PGM5: variants seen among roughly 807,000 people sequenced by gnomAD.
The protein encoded by PGM5 is phosphoglucomutase 5.
PGM5 carries 23 observed loss-of-function variants against 59.2 expected under a neutral mutation model. The observed-to-expected ratio is 0.39, with a 90% CI of 0.28 to 0.55. PGM5 has a LOEUF of 0.55. Among genes scored for constraint, PGM5 ranks in the 20% least tolerant of loss-of-function variants. The pLI is 0.66. For synonymous variants in PGM5, 214 were observed against 286.0 expected (o/e 0.75, Z 2.54); for missense variants, 574 against 748.3 (o/e 0.77, Z 2.72).
In PGM5 at chr9:68,458,176, AT is replaced by A. The variant is rs370457055; in HGVS notation, c.1044-6907del. On this transcript the variant is annotated intron_variant, in intron 6 of 10. Transcript: ENST00000396396. ...GAACCTGTGGTAGTTTCAATTTTAC[AT>A]TTTTTTTTTCTTGGATCTTTGGTCA... 6.3e-4 allele frequency among the ~76,000 whole-genome samples: 94 copies of A among 150,240 alleles called. 1 individual carries two copies. Among genetic ancestry groups the A allele is most frequent in the African/African-American group, 1.7e-3 (69 of 41,022 alleles).
At chr9:68,516,689 G>C (rs1017144090) in intron 10 of PGM5, among the ~76,000 whole-genome samples, 2 of 152,124 alleles carry the variant, frequency 1.3e-5, no homozygotes, top group African/African-American at 4.8e-5. Context: ...CACACTCTCA[G>C]GACTCCACTC....
intron 6 of PGM5, among the ~76,000 whole-genome samples, chr9:68,449,116 G>T (rs1185327141): frequency 2.0e-5 from 3 of 152,192 alleles, no homozygotes; most frequent in Non-Finnish European, 2.9e-5. Flanking sequence ...AGGGTCGAGG[G>T]AGCTCTCTGG....
In PGM5 at chr9:68,483,452, G is replaced by C. The variant is rs183180743; in HGVS notation, c.1296-413G>C. On this transcript the variant is annotated intron_variant, in intron 8 of 10. Coordinates refer to ENST00000396396, the MANE Select transcript of PGM5 (RefSeq NM_021965.4). Reference sequence around the variant, plus strand: ...AACACACAGCTAGCGCAAGGGCCCAGAGGCAGGAAAGGGTGCAATGTCAAT... The same window carrying C: ...AACACACAGCTAGCGCAAGGGCCCACAGGCAGGAAAGGGTGCAATGTCAAT... Among the ~76,000 whole-genome samples the C allele has an allele frequency of 3.9e-5, 6 of 152,298 alleles. No individual in the cohort carries two copies. In the East Asian group the frequency reaches 1.2e-3, roughly 29 times the overall value.
At chr9:68,493,036 A>C (rs187777693) in intron 9 of PGM5, among the ~76,000 whole-genome samples, 22 of 152,236 alleles carry the variant, frequency 1.4e-4, no homozygotes, top group African/African-American at 5.3e-4. Flanking sequence ...TGGCCAACTG[A>C]CTATATATGC....
At chr9:68,404,042 A>G (rs1822741827) in intron 6 of PGM5, among the ~76,000 whole-genome samples, 1 of 152,194 alleles carries the variant, frequency 6.6e-6, no homozygotes, top group African/African-American at 2.4e-5. Context: ...TGCACTAAAA[A>G]GTATTTATTA....
At chr9:68,370,808 A>C (rs1238183631) in intron 1 of PGM5, among the ~76,000 whole-genome samples, 4 of 152,188 alleles carry the variant, frequency 2.6e-5, no homozygotes, top group African/African-American at 9.7e-5. Context: ...AAGGACGGAC[A>C]CAAAGAGTTC....
Position 68,529,580 on chromosome 9 carries a change from C to A in PGM5, c.1628C>A (p.Pro543His). ...HDQEPQAVLS[P>H]LIAIALKISQ... is the part of the protein sequence containing the mutation. Reference sequence around the variant, plus strand: ...TTCCTTTTGCAGGCAGTGCTGAGCCCTCTCATAGCCATCGCACTGAAAATA... The same window carrying A: ...TTCCTTTTGCAGGCAGTGCTGAGCCATCTCATAGCCATCGCACTGAAAATA... The change falls in exon 11 of 11, where the codon CCT (proline) becomes CAT (histidine). Residue 543 changes from proline (P) to histidine (H), a missense_variant. By Grantham distance (77) the Pro-to-His change is moderately conservative. This residue lies in a region of PGM5 where 300 missense variants were observed against 280.0 expected (regional missense o/e 1.07). Transcript: ENST00000396396. The A allele has an allele frequency of 6.3e-7, 1 of 1,595,784 alleles. No homozygotes were observed. Among genetic ancestry groups the A allele is most frequent in the Non-Finnish European group, 8.6e-7 (1 of 1,168,096 alleles).
intron 7 of PGM5, among the ~76,000 whole-genome samples, chr9:68,475,945 T>C (rs556005641): frequency 6.6e-6 from 1 of 152,304 alleles, no homozygotes; most frequent in East Asian, 1.9e-4. Context: ...CACTTGAGCC[T>C]GGGAGGTCGC....
chr9:68,377,085 C>T (rs1489884217), intron 1 of PGM5, among the ~76,000 whole-genome samples: 1 of 151,892 alleles, frequency 6.6e-6, no homozygotes, highest in African/African-American at 2.4e-5. Flanking sequence ...CACCACCATG[C>T]TCAGCTAATT....
chr9:68,479,558 G>A lies in PGM5; in HGVS notation c.1295+5G>A. ...TGGCCGCCACTACTATTGCAGGTGA[G>A]GAGAAGGGGAAGGGTCTCTGTATGG... On this transcript the variant is annotated splice_donor_5th_base_variant and intron_variant, in intron 8 of 10. Coordinates refer to ENST00000396396, the MANE Select transcript of PGM5 (RefSeq NM_021965.4). The A allele has an allele frequency of 6.2e-7, 1 of 1,613,668 alleles. No individual in the cohort carries two copies. The highest frequency in any genetic ancestry group is 1.7e-5 in the Admixed American group (1 of 59,988).
At position 68,378,288 on chromosome 9, in the gene PGM5, C is replaced by A; in HGVS notation, c.351C>A (p.Ile117=). 5 of 1,599,544 alleles carry A rather than the reference C, an allele frequency of 3.1e-6. No homozygotes were observed. The highest frequency in any genetic ancestry group is 4.3e-6 in the Non-Finnish European group (5 of 1,174,170). Reference sequence around the variant, plus strand: ...GGAAGATCAAGGCAGCTGGTGGAATCATTCTAACAGCCAGCCACTGCCCTG... The same window carrying A: ...GGAAGATCAAGGCAGCTGGTGGAATAATTCTAACAGCCAGCCACTGCCCTG... The part of the protein sequence containing the change: ...IIRKIKAAGG[I]ILTASHCPGG... Residue 117 remains isoleucine (I), a synonymous_variant, in exon 2 of 11, where the codon ATC becomes ATA. Transcript: ENST00000396396.
chr9:68,487,496 AC>A (rs1554687621), intron 9 of PGM5, among the ~76,000 whole-genome samples: 86 of 150,934 alleles, frequency 5.7e-4, no homozygotes, highest in African/African-American at 2.0e-3. Flanking sequence ...ACACACACAC[AC>A]AAATCAGGTG....
chr9:68,413,258 G>T (rs1426701292), intron 6 of PGM5, among the ~76,000 whole-genome samples: 3 of 151,898 alleles, frequency 2.0e-5, no homozygotes. Context: ...TCCATTCAGG[G>T]CCTCAATTAC....
chr9:68,431,928 G>A lies in PGM5; in HGVS notation c.1044-33165G>A, dbSNP rs111674961. 7.0e-3 allele frequency among the ~76,000 whole-genome samples: 1,063 copies of A among 152,276 alleles called. 10 individuals carry two copies. The highest frequency in any genetic ancestry group is 0.024 in the African/African-American group (992 of 41,566). The stretch of plus-strand genomic sequence containing the variant: ...GGTGGGTGATCAAGATCAATGCAGT[G>A]TCAAAACCTCAGCCCTCCAATCTAC... On this transcript the variant is annotated intron_variant, in intron 6 of 10. Transcript: ENST00000396396.
intron 6 of PGM5, among the ~76,000 whole-genome samples, chr9:68,407,307 A>AT (rs1455498096): frequency 1.1e-4 from 16 of 152,110 alleles, no homozygotes; most frequent in Non-Finnish European, 2.1e-4. Context: ...TTTTATTTTT[A>AT]TTTTTTGTAG....
At chr9:68,429,086 T>C (rs898003600) in intron 6 of PGM5, 1 of 152,154 alleles carries the variant, frequency 6.6e-6, no homozygotes, top group Non-Finnish European at 1.5e-5. Flanking sequence ...ATGCAACACT[T>C]TTAGGGTCTG....
At chr9:68,511,217 C>T (rs1418351906) in intron 10 of PGM5, among the ~76,000 whole-genome samples, 3 of 152,160 alleles carry the variant, frequency 2.0e-5, no homozygotes, top group African/African-American at 7.2e-5. Context: ...TGATTTCCTT[C>T]AGTGCCTGTT....
At chr9:68,376,835 C>CTTTCTTTCTTTCT (rs1563984877) in intron 1 of PGM5, among the ~76,000 whole-genome samples, 5,558 of 57,976 alleles carry the variant, frequency 0.096, 538 homozygotes, top group Admixed American at 0.13. Context: ...CTTTCTTTCT[C>CTTTCTTTCTTTCT]TTTCTTTCTT....
chr9:68,436,763 T>C (rs1012485418), intron 6 of PGM5, among the ~76,000 whole-genome samples: 2 of 152,224 alleles, frequency 1.3e-5, no homozygotes, highest in Non-Finnish European at 2.9e-5. Context: ...AAATTCGATA[T>C]TAACTACATT....
Sources: gnomAD v4.1 joint callset for allele counts (sites outside exome capture counted in the v4.1 genomes callset) on GRCh38, gnomAD v4.1.1 for gene constraint, gnomAD v4.1.1 regional missense constraint, MANE v1.5 for transcripts, NCBI Gene and HGNC (gene_info 2026-07-23, HGNC 2026-07-21) for gene names.